SLC71A2: variants seen among roughly 807,000 people sequenced by gnomAD.
The protein encoded by SLC71A2 is hippocampus abundant transcript-like 1.
the SLC71A2 span, chr9:94,438,516 G>A: frequency 6.2e-7 from 1 of 1,611,214 alleles, no homozygotes; most frequent in Non-Finnish European, 8.5e-7. Context: ...CCACTGATGA[G>A]GATCAGCCCA....
the SLC71A2 span, among the ~76,000 whole-genome samples, chr9:94,448,059 T>C: frequency 6.6e-6 from 1 of 152,246 alleles, no homozygotes; most frequent in Non-Finnish European, 1.5e-5. Context: ...TTTAAAGTTT[T>C]GACAGTTGTG....
the SLC71A2 span, among the ~76,000 whole-genome samples, chr9:94,420,999 C>T: frequency 6.6e-6 from 1 of 151,896 alleles, no homozygotes; most frequent in Admixed American, 6.6e-5. Flanking sequence ...TTAGAAAAAC[C>T]AGTGGACTAG....
At chr9:94,447,215 T>C in the SLC71A2 span, among the ~76,000 whole-genome samples, 1 of 152,022 alleles carries the variant, frequency 6.6e-6, no homozygotes, top group Non-Finnish European at 1.5e-5. Flanking sequence ...GTTTTGCTCT[T>C]GTCCACCAGG....
the SLC71A2 span, among the ~76,000 whole-genome samples, chr9:94,382,884 G>A: frequency 5.3e-5 from 8 of 152,098 alleles, no homozygotes; most frequent in East Asian, 9.7e-4. Flanking sequence ...TAGTAGAGGC[G>A]GGGTTTCACC....
At chr9:94,440,914 T>G in the SLC71A2 span, 1 of 850,960 alleles carries the variant, frequency 1.2e-6, no homozygotes, top group Non-Finnish European at 1.9e-6. Context: ...TTACATGATG[T>G]CTTTGGCTCA....
chr9:94,383,459 T>G, the SLC71A2 span, among the ~76,000 whole-genome samples: 1 of 152,130 alleles, frequency 6.6e-6, no homozygotes, highest in African/African-American at 2.4e-5. Flanking sequence ...CCATGCCTGG[T>G]CTACTTTTGC....
the SLC71A2 span, among the ~76,000 whole-genome samples, chr9:94,458,039 A>C: frequency 6.6e-6 from 1 of 152,226 alleles, no homozygotes; most frequent in East Asian, 1.9e-4. Context: ...AGAGCAGGGA[A>C]ATCTCAGTTG....
At chr9:94,388,972 T>A in the SLC71A2 span, among the ~76,000 whole-genome samples, 4 of 152,198 alleles carry the variant, frequency 2.6e-5, no homozygotes, top group African/African-American at 9.7e-5. Context: ...GTCCTTCGCC[T>A]CATTGCCTGT....
chr9:94,387,036 C>A, the SLC71A2 span, among the ~76,000 whole-genome samples: 2 of 151,836 alleles, frequency 1.3e-5, no homozygotes, highest in Admixed American at 1.3e-4. Context: ...ATGAATATTA[C>A]TATTTTGCCC....
At chr9:94,383,585 A>G in the SLC71A2 span, among the ~76,000 whole-genome samples, 5 of 152,152 alleles carry the variant, frequency 3.3e-5, no homozygotes, top group East Asian at 3.9e-4. Flanking sequence ...CTGGAGGTTC[A>G]TAAGACTTGA....
chr9:94,457,441 T>C, the SLC71A2 span, among the ~76,000 whole-genome samples: 1 of 138,960 alleles, frequency 7.2e-6, no homozygotes, highest in African/African-American at 2.7e-5. Context: ...GAAAGGATGG[T>C]TTATTCATTG....
the SLC71A2 span, chr9:94,456,467 ATTTAC>A: frequency 1.6e-6 from 1 of 641,778 alleles, no homozygotes; most frequent in Non-Finnish European, 2.8e-6. Context: ...TATCATACCT[ATTTAC>A]TTTGGCAGAT....
the SLC71A2 span, among the ~76,000 whole-genome samples, chr9:94,408,462 T>C: frequency 6.6e-6 from 1 of 152,216 alleles, no homozygotes; most frequent in African/African-American, 2.4e-5. Flanking sequence ...TCTTCATGTC[T>C]TGGGAAGAGG....
the SLC71A2 span, chr9:94,459,347 C>T: frequency 6.2e-7 from 1 of 1,614,128 alleles, no homozygotes; most frequent in East Asian, 2.2e-5. Context: ...GCCACTACTG[C>T]AAGACAGCAG....
the SLC71A2 span, among the ~76,000 whole-genome samples, chr9:94,410,864 C>T: frequency 1.3e-5 from 2 of 152,192 alleles, no homozygotes; most frequent in African/African-American, 4.8e-5. Context: ...CTCCTGGGTT[C>T]CAGTGGTTCT....
the SLC71A2 span, among the ~76,000 whole-genome samples, chr9:94,399,125 C>G: frequency 2.0e-5 from 3 of 152,302 alleles, no homozygotes; most frequent in South Asian, 6.2e-4. Flanking sequence ...CCGGCTCTTT[C>G]AGCTTTTAAC....
At chr9:94,453,988 T>C in the SLC71A2 span, 2 of 1,613,988 alleles carry the variant, frequency 1.2e-6, no homozygotes, top group Non-Finnish European at 1.7e-6. Flanking sequence ...GATGAGATCA[T>C]TAGGAAATAA....
chr9:94,429,880 T>C, the SLC71A2 span, among the ~76,000 whole-genome samples: 1 of 151,992 alleles, frequency 6.6e-6, no homozygotes, highest in East Asian at 1.9e-4. Context: ...ATTCTATTGA[T>C]AGCATTCTTT....
At chr9:94,406,308 C>T in the SLC71A2 span, among the ~76,000 whole-genome samples, 6 of 152,128 alleles carry the variant, frequency 3.9e-5, no homozygotes, top group Admixed American at 6.5e-5. Flanking sequence ...GGCGCAATCT[C>T]GGCTCACCAC....
Sources: allele counts gnomAD v4.1 joint callset (sites outside exome capture counted in the v4.1 genomes callset), GRCh38; gene constraint gnomAD v4.1.1; transcripts MANE v1.5; gene names NCBI Gene and HGNC (gene_info 2026-07-23, HGNC 2026-07-21).